BIRC6: variants seen among roughly 807,000 people sequenced by gnomAD.
The protein encoded by BIRC6 is dual E2 ubiquitin-conjugating enzyme/E3 ubiquitin-protein ligase BIRC6.
In BIRC6, 98 loss-of-function variants were observed where a neutral mutation model predicts 503.3. That is an observed-to-expected ratio of 0.19 (90% CI 0.17 to 0.23). The LOEUF (loss-of-function observed/expected upper bound fraction) is 0.23, where lower values mean the gene tolerates loss of function less well. BIRC6 is among the 10% of genes least tolerant of loss of function. The pLI is 1.00. For synonymous variants in BIRC6, 2,240 were observed against 2,078.7 expected, an observed-to-expected ratio of 1.08 and a Z score of -2.11; for missense variants, 5,360 against 5,806.0, an observed-to-expected ratio of 0.92 and a Z score of 2.50.
At position 32,555,411 on chromosome 2, in the gene BIRC6, C is replaced by T. The variant is rs142715261; in HGVS notation, c.13144+5930C>T. 3.7e-3 allele frequency among the ~76,000 whole-genome samples: 561 copies of T among 152,104 alleles called. 6 individuals carry two copies. The highest frequency in any genetic ancestry group is 0.017 in the Middle Eastern group (5 of 292). On this transcript the variant is annotated intron_variant, in intron 65 of 73. Coordinates refer to ENST00000421745, the MANE Select transcript of BIRC6 (RefSeq NM_016252.4). ...ATCCCAGCACTTTGGGAGGCCGACC[C>T]GGGCAGATCATGAGGTCGGGACATC...
At chr2:32,451,871 T>A (rs1393777024) in intron 22 of BIRC6, among the ~76,000 whole-genome samples, 1 of 152,196 alleles carries the variant, frequency 6.6e-6, no homozygotes, top group Non-Finnish European at 1.5e-5. Flanking sequence ...AGAGTGTAAT[T>A]TTCCAATACT....
At chr2:32,380,025 G>C (rs887067754) in intron 2 of BIRC6, 128 bp from the exon 3 acceptor site, 2 of 534,334 alleles carry the variant, frequency 3.7e-6, no homozygotes, top group Admixed American at 3.9e-5. Context: ...TTGTTAAAAG[G>C]TAAGTTTAGT....
Position 32,465,138 on chromosome 2 carries a change from C to G in BIRC6, c.5330C>G (p.Ser1777Cys). The change falls in exon 26 of 74, where the codon TCC becomes TGC. Residue 1777 changes from serine (S) to cysteine (C), a missense_variant. Physicochemically the swap from Ser to Cys is moderately radical, Grantham distance 112 (BLOSUM62 -1). This residue lies in a region of BIRC6 where 2,299 missense variants were observed against 2,267.2 expected (regional missense o/e 1.01). Coordinates refer to ENST00000421745, the MANE Select transcript of BIRC6 (RefSeq NM_016252.4). ...SHFLQPPPHQ[S>C]IIIERMHSGA... Reference sequence around the variant, plus strand: ...TTTCTTCAACCTCCGCCTCACCAGTCCATTATTATAGAGCGAATGCATTCA... The same window carrying G: ...TTTCTTCAACCTCCGCCTCACCAGTGCATTATTATAGAGCGAATGCATTCA... 2 of 1,593,542 alleles carry G rather than the reference C, an allele frequency of 1.3e-6. No homozygotes were observed. Among genetic ancestry groups the G allele is most frequent in the African/African-American group, 1.4e-5 (1 of 73,884 alleles).
intron 54 of BIRC6, among the ~76,000 whole-genome samples, chr2:32,513,544 G>A (rs909499884): frequency 5.9e-5 from 9 of 152,178 alleles, no homozygotes; most frequent in South Asian, 4.1e-4. Context: ...GGAGGCCGAG[G>A]TGGGAAGATC....
Position 32,531,361 on chromosome 2 carries a change from G to A in BIRC6, c.12101G>A (p.Gly4034Glu). Residue 4034 changes from glycine to glutamate, a missense_variant, in exon 61 of 74, where the codon GGA becomes GAA. Gly to Glu is a moderately conservative substitution (Grantham distance 98). Transcript: ENST00000421745. ...TTTGTAATTTATTGTCTAGATCATG[G>A]AGACTTACTTGCTAGCTGTCCAGAA... ...YKRLHPEKDHGDLLASCPEDE... is the reference protein window; with the variant it reads ...YKRLHPEKDHEDLLASCPEDE... 6.2e-7 allele frequency: 1 copy of A among 1,609,508 alleles called. No individual in the cohort carries two copies. The highest frequency in any genetic ancestry group is 8.5e-7 in the Non-Finnish European group (1 of 1,177,314).
At position 32,499,743 on chromosome 2, in the gene BIRC6, G is replaced by A. The variant is rs1016301459; in HGVS notation, c.8665G>A (p.Ala2889Thr). 1 of 1,614,014 alleles carries A rather than the reference G, an allele frequency of 6.2e-7. No homozygotes were observed. The highest frequency in any genetic ancestry group is 1.1e-5 in the South Asian group (1 of 91,088). The part of the protein sequence containing the change: ...SRSGSDSSVG[A>T]RACFGGLFAN... ...AAGTGGATCAGATAGCTCCGTGGGT[G>A]CTCGAGCATGCTTTGGGGGACTCTT... Residue 2889 changes from alanine to threonine, a missense_variant, in exon 46 of 74, where the codon GCT becomes ACT. By Grantham distance (58) the Ala-to-Thr change is moderately conservative (BLOSUM62 0). Coordinates refer to ENST00000421745, the MANE Select transcript of BIRC6 (RefSeq NM_016252.4).
chr2:32,429,403 C>A, intron 11 of BIRC6, 108 bp downstream of exon 11: 2 of 842,132 alleles, frequency 2.4e-6, no homozygotes, highest in Non-Finnish European at 3.4e-6. Context: ...TGATTCTCAA[C>A]CTGTATGGTA....
At chr2:32,493,808 T>C in intron 45 of BIRC6, 141 bp downstream of exon 45, 1 of 640,138 alleles carries the variant, frequency 1.6e-6, no homozygotes, top group Non-Finnish European at 2.6e-6. Context: ...GAAGGATATA[T>C]TGGTGTGTTT....
At chr2:32,445,374 TG>T (rs2045851744) in intron 20 of BIRC6, 146 bp from the exon 21 acceptor site, 1 of 783,374 alleles carries the variant, frequency 1.3e-6, no homozygotes, top group Admixed American at 3.6e-5. Flanking sequence ...GAGTTATCTT[TG>T]TAAATTGCCT....
Position 32,392,032 on chromosome 2 carries a change from C to T in BIRC6, c.840-7C>T, listed in dbSNP as rs2039295565. 1 of 1,528,378 alleles carries T rather than the reference C, an allele frequency of 6.5e-7. No individual in the cohort carries two copies. The highest frequency in any genetic ancestry group is 8.9e-7 in the Non-Finnish European group (1 of 1,122,516). The allele number at this position is 1,528,378 out of a possible 1,614,324, so 94.7% of individuals were successfully genotyped here. ...ACTTCAATTACATAAAGTATGTTTA[C>T]TTTTAGATCACTGATGTATAGTGAA... On this transcript the variant is annotated splice_polypyrimidine_tract_variant and splice_region_variant and intron_variant, in intron 4 of 73. Coordinates refer to ENST00000421745, the MANE Select transcript of BIRC6 (RefSeq NM_016252.4).
chr2:32,597,288 T>C (rs1325396122), intron 68 of BIRC6, among the ~76,000 whole-genome samples: 1 of 152,216 alleles, frequency 6.6e-6, no homozygotes, highest in Non-Finnish European at 1.5e-5. Flanking sequence ...CCTGTAAATA[T>C]TTGTGCATAT....
At chr2:32,398,965 C>T (rs2040289331) in intron 6 of BIRC6, among the ~76,000 whole-genome samples, 1 of 152,104 alleles carries the variant, frequency 6.6e-6, no homozygotes, top group Non-Finnish European at 1.5e-5. Context: ...AAAAGAAATA[C>T]ATACATTTTA....
At chr2:32,448,223 A>G (rs2148501311) in intron 21 of BIRC6, among the ~76,000 whole-genome samples, 1 of 72,482 alleles carries the variant, frequency 1.4e-5, no homozygotes, top group East Asian at 3.6e-4. Context: ...GCGGCCAGGC[A>G]GAGACGCTCC....
intron 21 of BIRC6, among the ~76,000 whole-genome samples, chr2:32,447,113 T>G (rs1404902649): frequency 6.7e-6 from 1 of 149,034 alleles, no homozygotes; most frequent in Non-Finnish European, 1.5e-5. Context: ...AGAATTTTTC[T>G]TAGTACAGAA....
intron 54 of BIRC6, among the ~76,000 whole-genome samples, chr2:32,514,014 G>GT (rs1375387084): frequency 0.042 from 5 of 118 alleles, no homozygotes; most frequent in African/African-American, 0.11. Flanking sequence ...TCGCCATGCT[G>GT]CCTCACGCCA....
intron 21 of BIRC6, among the ~76,000 whole-genome samples, chr2:32,447,024 C>T (rs1171479636): frequency 1.6e-5 from 2 of 126,518 alleles, no homozygotes; most frequent in Non-Finnish European, 3.3e-5. Flanking sequence ...ATCCATTTAA[C>T]CCTGAGTGGA....
chr2:32,518,847 C>T lies in BIRC6; in HGVS notation c.11524C>T (p.His3842Tyr). Reference protein sequence around the residue: ...LYKGRINATSHVIQHPMYGAG... With the variant: ...LYKGRINATSYVIQHPMYGAG... ...CAAAGGTAGAATTAATGCTACTAGC[C>T]ACGTCATCCAGCATCCAATGTATGG... The change falls in exon 57 of 74, where the codon CAC becomes TAC. Residue 3842 changes from histidine (H) to tyrosine (Y), a missense_variant. Physicochemically the swap from His to Tyr is moderately conservative, Grantham distance 83. Around this residue, in one of 16 missense-constraint regions of BIRC6, gnomAD observed 878 missense variants for 928.9 expected, o/e 0.95. Coordinates refer to ENST00000421745, the MANE Select transcript of BIRC6 (RefSeq NM_016252.4). The T allele has an allele frequency of 6.2e-7, 1 of 1,613,282 alleles. No individual in the cohort carries two copies. Among genetic ancestry groups the T allele is most frequent in the Non-Finnish European group, 8.5e-7 (1 of 1,179,432 alleles).
At chr2:32,459,396 T>G (rs1317210398) in intron 23 of BIRC6, among the ~76,000 whole-genome samples, 5 of 152,066 alleles carry the variant, frequency 3.3e-5, no homozygotes, top group African/African-American at 7.3e-5. Context: ...GTGTAGGTTT[T>G]GTTTTGTTTT....
intron 9 of BIRC6, among the ~76,000 whole-genome samples, chr2:32,410,417 G>C (rs2041735721): frequency 6.6e-6 from 1 of 152,124 alleles, no homozygotes; most frequent in South Asian, 2.1e-4. Flanking sequence ...TGTGACTATA[G>C]CCAAATGAGT....
Sources: allele counts gnomAD v4.1 joint callset (sites outside exome capture counted in the v4.1 genomes callset), GRCh38; gene constraint gnomAD v4.1.1; regional missense constraint gnomAD v4.1.1; transcripts MANE v1.5; gene names NCBI Gene and HGNC (gene_info 2026-07-23, HGNC 2026-07-21).